DISC1: variants seen among roughly 807,000 people sequenced by gnomAD.
DISC1 encodes the protein disrupted in schizophrenia 1 protein.
DISC1 carries 57 observed loss-of-function variants against 84.5 expected under a neutral mutation model. That is an observed-to-expected ratio of 0.67 (90% CI 0.55 to 0.84). DISC1 has a LOEUF of 0.84. Ranked by LOEUF, DISC1 falls within the 40% of genes least tolerant of loss-of-function variation. The pLI is 0.00. For missense variants in DISC1, 1,000 were observed against 1,057.8 expected (o/e 0.95, Z 0.76); for synonymous variants, 411 against 415.2 (o/e 0.99, Z 0.12).
chr1:231,813,122 G>C (rs78750541), intron 8 of DISC1: 1 of 152,200 alleles, frequency 6.6e-6, no homozygotes, highest in African/African-American at 2.4e-5. Flanking sequence ...TGGGTTGCAA[G>C]GGATTAGAGG....
chr1:231,772,561 T>A (rs556978028), intron 6 of DISC1, among the ~76,000 whole-genome samples: 2 of 152,268 alleles, frequency 1.3e-5, no homozygotes, highest in African/African-American at 4.8e-5. Context: ...GGGGTGTTGA[T>A]AATAATTTCT....
chr1:231,639,182 C>A (rs1016231987), intron 1 of DISC1, among the ~76,000 whole-genome samples: 1 of 152,110 alleles, frequency 6.6e-6, no homozygotes, highest in Non-Finnish European at 1.5e-5. Flanking sequence ...CTTGGGCTCA[C>A]AAGCACACTT....
At chr1:231,709,679 AT>A (rs1398426325) in intron 3 of DISC1, among the ~76,000 whole-genome samples, 2 of 152,056 alleles carry the variant, frequency 1.3e-5, no homozygotes, top group Non-Finnish European at 2.9e-5. Context: ...AGCCAAAAGA[AT>A]TTTTTTTCTC....
chr1:231,762,801 G>A (rs2075866218), intron 4 of DISC1, among the ~76,000 whole-genome samples: 1 of 152,102 alleles, frequency 6.6e-6, no homozygotes, highest in African/African-American at 2.4e-5. Context: ...GTGTGAGGGT[G>A]GGGTCTGTAT....
chr1:231,802,401 G>T (rs551672566), intron 8 of DISC1, among the ~76,000 whole-genome samples: 4 of 152,016 alleles, frequency 2.6e-5, no homozygotes, highest in Non-Finnish European at 5.9e-5. Context: ...CTTGCCTTCC[G>T]CCATGATTGT....
chr1:231,857,726 C>T (rs2084367646), intron 9 of DISC1, among the ~76,000 whole-genome samples: 2 of 152,190 alleles, frequency 1.3e-5, no homozygotes, highest in Admixed American at 6.5e-5. Flanking sequence ...GGAATCAGCA[C>T]AGTCCAAATG....
chr1:231,879,776 G>A (rs897802029), intron 9 of DISC1, among the ~76,000 whole-genome samples: 1 of 152,106 alleles, frequency 6.6e-6, no homozygotes. Flanking sequence ...AGATGGTAGT[G>A]TTTGAACTCT....
In DISC1 at chr1:231,694,175, G is replaced by A; in HGVS notation, c.417G>A (p.Gly139=). The change falls in exon 2 of 13, where the codon GGG becomes GGA. Residue 139 remains glycine (G), a synonymous_variant. Coordinates refer to ENST00000439617, the MANE Select transcript of DISC1 (RefSeq NM_018662.3). ...GGCTTAGCTGGCCGTGTGGCCCTGGGAGTGCTGGGTGGCAGCAAGAGTTTG... is the reference window on the plus strand; with the variant it reads ...GGCTTAGCTGGCCGTGTGGCCCTGGAAGTGCTGGGTGGCAGCAAGAGTTTG... ...PDRLSWPCGP[G]SAGWQQEFAA... is the part of the protein sequence containing the mutation. 1 of 1,614,230 alleles carries A rather than the reference G, an allele frequency of 6.2e-7. No individual in the cohort carries two copies. The highest frequency in any genetic ancestry group is 8.5e-7 in the Non-Finnish European group (1 of 1,180,048).
intron 10 of DISC1, among the ~76,000 whole-genome samples, chr1:231,978,967 C>T (rs556440356): frequency 1.1e-4 from 16 of 152,242 alleles, no homozygotes; most frequent in African/African-American, 1.2e-4. Flanking sequence ...GGTGAGTAAG[C>T]GAAGCTTTTT....
At chr1:231,722,318 A>T (rs919658420) in intron 3 of DISC1, among the ~76,000 whole-genome samples, 2 of 152,152 alleles carry the variant, frequency 1.3e-5, no homozygotes, top group Admixed American at 1.3e-4. Flanking sequence ...TATGCTAGAG[A>T]TGCTTAACCT....
chr1:231,958,279 C>T (rs111286304), intron 9 of DISC1, among the ~76,000 whole-genome samples: 385 of 152,336 alleles, frequency 2.5e-3, no homozygotes, highest in Non-Finnish European at 4.6e-3. Context: ...AATTAGGAAG[C>T]GCTGAGTTTA....
chr1:231,985,059 G>C (rs1208935467), intron 10 of DISC1, among the ~76,000 whole-genome samples: 1 of 152,082 alleles, frequency 6.6e-6, no homozygotes, highest in Non-Finnish European at 1.5e-5. Context: ...GGTGGCTCAC[G>C]CTTGTAATCC....
chr1:232,026,573 A>T (rs1156811524), intron 12 of DISC1, 21 bp downstream of exon 12: 1 of 1,552,746 alleles, frequency 6.4e-7, no homozygotes, highest in East Asian at 2.3e-5. Context: ...CATCTTGCAG[A>T]TGAAGCAAGG....
chr1:231,914,700 A>G (rs1260681851), intron 9 of DISC1, among the ~76,000 whole-genome samples: 1 of 152,204 alleles, frequency 6.6e-6, no homozygotes, highest in African/African-American at 2.4e-5. Flanking sequence ...GTCATCTCCA[A>G]CTTATCATGT....
intron 9 of DISC1, among the ~76,000 whole-genome samples, chr1:231,952,727 A>C (rs1558774168): frequency 6.7e-6 from 1 of 148,266 alleles, no homozygotes; most frequent in African/African-American, 2.5e-5. Context: ...ATATATATAT[A>C]TAAACTTATT....
intron 9 of DISC1, among the ~76,000 whole-genome samples, chr1:231,949,030 C>T (rs1018455543): frequency 1.3e-5 from 2 of 151,896 alleles, no homozygotes; most frequent in Non-Finnish European, 2.9e-5. Flanking sequence ...CCACCACGCC[C>T]AGCTAATTTT....
At chr1:231,644,965 G>T (rs1468930639) in intron 1 of DISC1, among the ~76,000 whole-genome samples, 1 of 151,956 alleles carries the variant, frequency 6.6e-6, no homozygotes, top group East Asian at 1.9e-4. Flanking sequence ...ATGCATGCAG[G>T]ATTGTCGCAG....
At chr1:231,702,276 T>TAA in intron 3 of DISC1, 1 of 1,177,548 alleles carries the variant, frequency 8.5e-7, no homozygotes, top group South Asian at 2.4e-5. Flanking sequence ...ACTCACACAA[T>TAA]AAAAATTATA....
chr1:231,933,656 T>G (rs1396276227), intron 9 of DISC1, among the ~76,000 whole-genome samples: 1 of 152,214 alleles, frequency 6.6e-6, no homozygotes, highest in African/African-American at 2.4e-5. Flanking sequence ...AAAAGGACAT[T>G]GGTGAATTTC....
Sources: gnomAD v4.1 joint callset for allele counts (sites outside exome capture counted in the v4.1 genomes callset) on GRCh38, gnomAD v4.1.1 for gene constraint, MANE v1.5 for transcripts, NCBI Gene and HGNC (gene_info 2026-07-23, HGNC 2026-07-21) for gene names.